Variants in DPP10 observed in about 807,000 individuals in gnomAD.
DPP10 encodes inactive dipeptidyl peptidase 10.
DPP10 carries 33 observed loss-of-function variants against 120.9 expected under a neutral mutation model. The observed-to-expected ratio is 0.27, with a 90% CI of 0.21 to 0.37. DPP10 has a LOEUF of 0.37. DPP10 is among the 10% of genes least tolerant of loss of function. The probability of loss-of-function intolerance (pLI) is 1.00; values close to 1 mark genes in which losing one functional copy is unlikely to be tolerated. For synonymous variants in DPP10, 337 were observed against 326.1 expected (o/e 1.03, Z -0.36); for missense variants, 816 against 942.8 (o/e 0.87, Z 1.76).
At chr2:115,421,521 A>G (rs1293571838) in intron 3 of DPP10, among the ~76,000 whole-genome samples, 2 of 152,198 alleles carry the variant, frequency 1.3e-5, no homozygotes, top group Non-Finnish European at 2.9e-5. Context: ...TAGTATAAAA[A>G]CAGGAAGGAA....
intron 3 of DPP10, among the ~76,000 whole-genome samples, chr2:115,435,038 A>G (rs528466900): frequency 3.9e-4 from 39 of 100,802 alleles, no homozygotes; most frequent in African/African-American, 1.3e-3. Flanking sequence ...TAATATTTCT[A>G]TACACATGCA....
At chr2:115,638,879 A>G (rs954247426) in intron 5 of DPP10, among the ~76,000 whole-genome samples, 2 of 152,182 alleles carry the variant, frequency 1.3e-5, no homozygotes, top group African/African-American at 4.8e-5. Flanking sequence ...GAAAGTGTTT[A>G]AGGGGGACTG....
intron 1 of DPP10, among the ~76,000 whole-genome samples, chr2:114,921,379 T>C (rs892943017): frequency 1.3e-5 from 2 of 152,208 alleles, no homozygotes; most frequent in African/African-American, 4.8e-5. Context: ...GTACATTGTA[T>C]AAAACACATG....
chr2:115,714,986 G>T lies in DPP10; in HGVS notation c.577-12830G>T, dbSNP rs78573920. Among the ~76,000 whole-genome samples, 8 of 138,616 alleles carry T rather than the reference G, an allele frequency of 5.8e-5. No homozygotes were observed. In the East Asian group the frequency reaches 1.5e-3, roughly 26 times the overall value. The allele number at this position is 138,616 out of a possible 152,430, so 90.9% of individuals were successfully genotyped here. ...AGAGGTAGGAGTGAGGCAAGATCGC[G>T]CCACCGCACTCCAGCCTGGGAGACA... is the stretch of plus-strand genomic sequence containing the variant. On this transcript the variant is annotated intron_variant, in intron 7 of 25. Coordinates refer to ENST00000410059, the MANE Select transcript of DPP10 (RefSeq NM_020868.6).
At chr2:115,240,131 C>T (rs1010453313) in intron 1 of DPP10, among the ~76,000 whole-genome samples, 1 of 152,152 alleles carries the variant, frequency 6.6e-6, no homozygotes, top group Non-Finnish European at 1.5e-5. Context: ...AATGGGATTG[C>T]TGAGTCAAAT....
intron 1 of DPP10, among the ~76,000 whole-genome samples, chr2:114,835,756 G>A (rs1054715674): frequency 6.6e-6 from 1 of 152,084 alleles, no homozygotes; most frequent in African/African-American, 2.4e-5. Flanking sequence ...TACCTGTCAT[G>A]TGCCCAGTAA....
chr2:114,971,113 G>T (rs1248821316), intron 1 of DPP10, among the ~76,000 whole-genome samples: 1 of 152,322 alleles, frequency 6.6e-6, no homozygotes, highest in Middle Eastern at 3.4e-3. Context: ...TTGTGTGTCA[G>T]TTGTGACGCC....
At chr2:115,137,225 T>C (rs188646708) in intron 1 of DPP10, among the ~76,000 whole-genome samples, 149 of 152,310 alleles carry the variant, frequency 9.8e-4, no homozygotes, top group Admixed American at 8.2e-3. Context: ...TAGGCAGTGA[T>C]AGAATTACAA....
chr2:114,760,909 T>G (rs1313870075), intron 1 of DPP10, among the ~76,000 whole-genome samples: 1 of 152,196 alleles, frequency 6.6e-6, no homozygotes, highest in Non-Finnish European at 1.5e-5. Context: ...AAAATTAAGA[T>G]ATTTAGAAAC....
At chr2:115,083,156 C>T (rs1156621919) in intron 1 of DPP10, among the ~76,000 whole-genome samples, 1 of 152,068 alleles carries the variant, frequency 6.6e-6, no homozygotes, top group Non-Finnish European at 1.5e-5. Context: ...TCTTGTTTTC[C>T]TTATAAGTAT....
intron 5 of DPP10, among the ~76,000 whole-genome samples, chr2:115,564,903 GT>G (rs1436617786): frequency 6.6e-6 from 1 of 152,164 alleles, no homozygotes; most frequent in Non-Finnish European, 1.5e-5. Context: ...CTGGAGGCAG[GT>G]CCTGGGCTTA....
chr2:115,597,159 A>G (rs1030478160), intron 5 of DPP10, among the ~76,000 whole-genome samples: 6 of 152,086 alleles, frequency 3.9e-5, no homozygotes, highest in Admixed American at 6.6e-5. Flanking sequence ...AGACAGTGCA[A>G]TGTTTCCACA....
intron 1 of DPP10, among the ~76,000 whole-genome samples, chr2:115,061,435 T>C (rs1409236168): frequency 6.6e-6 from 1 of 152,212 alleles, no homozygotes; most frequent in African/African-American, 2.4e-5. Context: ...GGAGGCATGA[T>C]AGTGACATCC....
rs139572526 is a variant in DPP10, at chr2:115,384,707, A to AAAGAAGAAGAAG, written c.271+40812_271+40823dup. ...AGGAAGAAGAAGAAAAAGAAAGAAG[A>AAAGAAGAAGAAG]AAGAAGAAGAAGAAGAAGAAGAAGA... On this transcript the variant is annotated intron_variant, in intron 3 of 25. Transcript: ENST00000410059. 8.9e-3 allele frequency among the ~76,000 whole-genome samples: 1,318 copies of AAAGAAGAAGAAG among 148,540 alleles called. 18 individuals carry two copies. Among genetic ancestry groups the AAAGAAGAAGAAG allele is most frequent in the African/African-American group, 0.031 (1,244 of 39,538 alleles).
chr2:114,720,273 C>A (rs578063902), intron 1 of DPP10, among the ~76,000 whole-genome samples: 1 of 152,268 alleles, frequency 6.6e-6, no homozygotes, highest in South Asian at 2.1e-4. Context: ...ATTGAGCTTG[C>A]ATGAGCACTA....
chr2:114,904,052 C>A (rs973548294), intron 1 of DPP10, among the ~76,000 whole-genome samples: 21 of 152,102 alleles, frequency 1.4e-4, no homozygotes, highest in Non-Finnish European at 2.1e-4. Flanking sequence ...ACAACAAATA[C>A]CTAAAAAGGT....
At chr2:115,552,436 T>C (rs1305409007) in intron 5 of DPP10, among the ~76,000 whole-genome samples, 1 of 152,072 alleles carries the variant, frequency 6.6e-6, no homozygotes, top group Non-Finnish European at 1.5e-5. Flanking sequence ...CCAGAATAAT[T>C]ATTGCCTCAC....
chr2:115,510,094 A>G (rs1253117593), intron 4 of DPP10, among the ~76,000 whole-genome samples: 1 of 152,158 alleles, frequency 6.6e-6, no homozygotes, highest in Non-Finnish European at 1.5e-5. Flanking sequence ...TATATTATAA[A>G]TCAAATTCCT....
intron 1 of DPP10, among the ~76,000 whole-genome samples, chr2:114,795,946 A>G (rs561455994): frequency 6.6e-6 from 1 of 152,328 alleles, no homozygotes; most frequent in South Asian, 2.1e-4. Flanking sequence ...ATACTAAATC[A>G]TAACTGCATA....
Sources: allele counts gnomAD v4.1 joint callset (sites outside exome capture counted in the v4.1 genomes callset), GRCh38; gene constraint gnomAD v4.1.1; transcripts MANE v1.5; gene names NCBI Gene and HGNC (gene_info 2026-07-23, HGNC 2026-07-21).